Variants in BRINP3 observed in about 807,000 individuals in gnomAD.
The protein encoded by BRINP3 is BMP/retinoic acid-inducible neural-specific protein 3.
Under a neutral mutation model 71.0 loss-of-function variants are expected in BRINP3, and 19 were observed. The ratio of observed to expected loss-of-function variants is 0.27; its 90% CI spans 0.19 to 0.39. BRINP3 has a LOEUF of 0.39. Ranked by LOEUF, BRINP3 falls within the 10% of genes least tolerant of loss-of-function variation. The probability of loss-of-function intolerance (pLI) is 1.00; values close to 1 mark genes in which losing one functional copy is unlikely to be tolerated. For synonymous variants in BRINP3, 380 were observed against 337.7 expected (o/e 1.13, Z -1.37); for missense variants, 959 against 940.8 (o/e 1.02, Z -0.25).
chr1:190,310,972 C>A (rs745700918), intron 2 of BRINP3, among the ~76,000 whole-genome samples: 2 of 151,562 alleles, frequency 1.3e-5, no homozygotes, highest in African/African-American at 4.8e-5. Context: ...ATTCCATAAC[C>A]AGCATGTAGG....
intron 2 of BRINP3, among the ~76,000 whole-genome samples, chr1:190,397,362 T>C (rs1671647774): frequency 6.6e-6 from 1 of 151,952 alleles, no homozygotes; most frequent in Admixed American, 6.6e-5. Context: ...GTGAAGTGTG[T>C]CGCTATGGCT....
intron 2 of BRINP3, among the ~76,000 whole-genome samples, chr1:190,418,233 G>A (rs779970595): frequency 6.6e-6 from 1 of 151,886 alleles, no homozygotes; most frequent in Non-Finnish European, 1.5e-5. Context: ...CGTATTTTTT[G>A]TAGAGACAGG....
At chr1:190,307,269 T>TG (rs1558166305) in intron 2 of BRINP3, among the ~76,000 whole-genome samples, 4 of 123,286 alleles carry the variant, frequency 3.2e-5, no homozygotes, top group Admixed American at 1.7e-4. Context: ...TTTTTTTTTT[T>TG]TTTTTTTTTT....
Position 190,271,057 on chromosome 1 carries a change from G to A in BRINP3, c.428-6002C>T, listed in dbSNP as rs565373100. 2.6e-5 allele frequency among the ~76,000 whole-genome samples: 4 copies of A among 151,780 alleles called. No individual in the cohort carries two copies. In the East Asian group the frequency reaches 7.8e-4, roughly 29 times the overall value. On this transcript the variant is annotated intron_variant, in intron 3 of 7. Coordinates refer to ENST00000367462, the MANE Select transcript of BRINP3 (RefSeq NM_199051.3). ...GATGCAAGAAAGCCATTTTAAATAT[G>A]TGAAAAGAGTCATTTTCAGTAAGTC...
At chr1:190,180,532 G>A (rs959953778) in intron 6 of BRINP3, among the ~76,000 whole-genome samples, 2 of 152,044 alleles carry the variant, frequency 1.3e-5, no homozygotes, top group African/African-American at 2.4e-5. Context: ...AGGATAATAA[G>A]TAAGACGTTT....
At chr1:190,443,368 G>T (rs1025487662) in intron 2 of BRINP3, among the ~76,000 whole-genome samples, 11 of 149,812 alleles carry the variant, frequency 7.3e-5, no homozygotes, top group African/African-American at 2.5e-4. Flanking sequence ...TCGTGCCTGG[G>T]CACTCTAGCC....
At chr1:190,101,310 T>C (rs1043077981) in intron 7 of BRINP3, among the ~76,000 whole-genome samples, 1 of 152,210 alleles carries the variant, frequency 6.6e-6, no homozygotes, top group Non-Finnish European at 1.5e-5. Flanking sequence ...TGGCACTTCA[T>C]AAACATTACA....
chr1:190,394,328 T>A (rs2102320607), intron 2 of BRINP3, among the ~76,000 whole-genome samples: 1 of 151,670 alleles, frequency 6.6e-6, no homozygotes, highest in East Asian at 1.9e-4. Flanking sequence ...TTAATAAAAA[T>A]GGAATTATTA....
At chr1:190,231,960 G>A (rs1047706455) in intron 5 of BRINP3, among the ~76,000 whole-genome samples, 10 of 151,860 alleles carry the variant, frequency 6.6e-5, no homozygotes, top group African/African-American at 2.2e-4. Context: ...AAAGAGGAGA[G>A]TTTCAGAAGT....
chr1:190,333,773 A>G (rs536114768), intron 2 of BRINP3, among the ~76,000 whole-genome samples: 2 of 152,028 alleles, frequency 1.3e-5, no homozygotes, highest in South Asian at 2.1e-4. Flanking sequence ...AAGGAGTTCA[A>G]TTTCTTGTAA....
intron 6 of BRINP3, among the ~76,000 whole-genome samples, chr1:190,179,364 A>C (rs577521090): frequency 1.3e-5 from 2 of 152,264 alleles, no homozygotes; most frequent in East Asian, 3.9e-4. Context: ...TGACAGTCAC[A>C]TGGGAAGTTA....
chr1:190,104,009 T>C (rs1408584513), intron 7 of BRINP3, among the ~76,000 whole-genome samples: 2 of 151,984 alleles, frequency 1.3e-5, no homozygotes, highest in Non-Finnish European at 2.9e-5. Context: ...AATGACTTAG[T>C]TACATATCTA....
intron 4 of BRINP3, among the ~76,000 whole-genome samples, chr1:190,254,591 T>C (rs1415733446): frequency 6.6e-6 from 1 of 152,162 alleles, no homozygotes; most frequent in African/African-American, 2.4e-5. Context: ...TATTGGTGTA[T>C]AGGAATGCTT....
At chr1:190,408,632 CTTT>C (rs1404847101) in intron 2 of BRINP3, among the ~76,000 whole-genome samples, 1 of 152,042 alleles carries the variant, frequency 6.6e-6, no homozygotes, top group Non-Finnish European at 1.5e-5. Flanking sequence ...GGTTTGTATA[CTTT>C]TTTACTTTTC....
At chr1:190,428,946 T>C (rs1673906998) in intron 2 of BRINP3, among the ~76,000 whole-genome samples, 1 of 152,130 alleles carries the variant, frequency 6.6e-6, no homozygotes, top group African/African-American at 2.4e-5. Context: ...GGCCTTAGGT[T>C]TAAGATCACA....
chr1:190,241,340 C>T (rs1355995069), intron 4 of BRINP3, among the ~76,000 whole-genome samples: 1 of 151,948 alleles, frequency 6.6e-6, no homozygotes, highest in Non-Finnish European at 1.5e-5. Context: ...GAAATGAGAG[C>T]TAGAACTGGG....
intron 6 of BRINP3, among the ~76,000 whole-genome samples, chr1:190,172,206 A>G (rs563326725): frequency 5.3e-5 from 8 of 150,246 alleles, no homozygotes; most frequent in African/African-American, 2.0e-4. Flanking sequence ...TTAATAAGTT[A>G]ATATCAGTGA....
Position 190,104,913 on chromosome 1 carries a change from T to C in BRINP3, c.1185-5779A>G, listed in dbSNP as rs185470239. Among the ~76,000 whole-genome samples the C allele has an allele frequency of 6.6e-5, 10 of 152,226 alleles. No individual in the cohort carries two copies. The East Asian group carries it at 1.9e-3, about 29-fold the overall frequency. ...TGGATACAAACTTTAAAACCTAAAC[T>C]ATATAATTTCAGAATCTTTTTGAAG... On this transcript the variant is annotated intron_variant, in intron 7 of 7. Transcript: ENST00000367462.
At chr1:190,285,491 T>C (rs1663350690) in intron 2 of BRINP3, among the ~76,000 whole-genome samples, 1 of 152,054 alleles carries the variant, frequency 6.6e-6, no homozygotes, top group Non-Finnish European at 1.5e-5. Flanking sequence ...ATCAAGATTA[T>C]GGGAGGCTGA....
Sources: allele counts gnomAD v4.1 joint callset (sites outside exome capture counted in the v4.1 genomes callset), GRCh38; gene constraint gnomAD v4.1.1; transcripts MANE v1.5; gene names NCBI Gene and HGNC (gene_info 2026-07-23, HGNC 2026-07-21).